SLC1A1: variants seen among roughly 807,000 people sequenced by gnomAD.
SLC1A1 encodes the protein solute carrier family 1 member 1, also known as excitatory amino acid transporter 3.
In SLC1A1, 43 loss-of-function variants were observed where a neutral mutation model predicts 53.3. The observed-to-expected ratio is 0.81, with a 90% CI of 0.63 to 1.04. The LOEUF is 1.04. SLC1A1 is among the 50% of genes least tolerant of loss of function. SLC1A1 has a pLI of 0.00. For synonymous variants in SLC1A1, 307 were observed against 243.2 expected (o/e 1.26, Z -2.44); for missense variants, 748 against 664.9 (o/e 1.12, Z -1.37).
intron 8 of SLC1A1, among the ~76,000 whole-genome samples, chr9:4,575,125 T>A (rs2129800423): frequency 6.6e-6 from 1 of 152,312 alleles, no homozygotes; most frequent in Middle Eastern, 3.4e-3. Context: ...AACAGGAAAC[T>A]AAAAGTCAGT....
chr9:4,498,663 A>G (rs1385783527), intron 1 of SLC1A1, among the ~76,000 whole-genome samples: 1 of 151,826 alleles, frequency 6.6e-6, no homozygotes, highest in African/African-American at 2.4e-5. Context: ...TTAGTCATAT[A>G]TATTTAATTT....
intron 6 of SLC1A1, among the ~76,000 whole-genome samples, 187 bp downstream of exon 6, chr9:4,567,954 G>C (rs1293017856): frequency 1.3e-5 from 2 of 152,130 alleles, no homozygotes; most frequent in Non-Finnish European, 2.9e-5. Context: ...CGCACACAAA[G>C]AGCGGCAAAA....
At chr9:4,581,092 G>A (rs1448928080) in intron 10 of SLC1A1, among the ~76,000 whole-genome samples, 1 of 152,126 alleles carries the variant, frequency 6.6e-6, no homozygotes, top group African/African-American at 2.4e-5. Context: ...CATCTTACAG[G>A]CAAGGAATTG....
intron 1 of SLC1A1, 90 bp downstream of exon 1, chr9:4,490,860 C>A: frequency 2.7e-6 from 3 of 1,112,622 alleles, no homozygotes; most frequent in South Asian, 1.3e-5. Flanking sequence ...TTGGCGCTGG[C>A]GCACTCCATG....
chr9:4,581,207 A>T (rs1384841891), intron 10 of SLC1A1, among the ~76,000 whole-genome samples: 1 of 152,194 alleles, frequency 6.6e-6, no homozygotes, highest in African/African-American at 2.4e-5. Flanking sequence ...GTTCCCTCCA[A>T]GTCACAAGCC....
At chr9:4,572,808 C>A (rs779298578) in intron 7 of SLC1A1, among the ~76,000 whole-genome samples, 1 of 152,178 alleles carries the variant, frequency 6.6e-6, no homozygotes, top group East Asian at 1.9e-4. Context: ...TTCATCCTCC[C>A]AAAATGCTGG....
At position 4,582,485 on chromosome 9, in the gene SLC1A1, T is replaced by C. The variant is rs117232986; in HGVS notation, c.1194-553T>C. Among the ~76,000 whole-genome samples, 1,123 of 152,342 alleles carry C rather than the reference T, an allele frequency of 7.4e-3. 7 individuals are homozygous for C. The highest frequency in any genetic ancestry group is 0.026 in the East Asian group (134 of 5,190). On this transcript the variant is annotated intron_variant, in intron 10 of 11. Coordinates refer to ENST00000262352, the MANE Select transcript of SLC1A1 (RefSeq NM_004170.6). ...GCCTGCTTAACCATTGTCTCATTCC[T>C]TTGCCTTCACCTGAAATGCCCTTGC...
intron 1 of SLC1A1, among the ~76,000 whole-genome samples, chr9:4,536,949 A>T (rs1366086914): frequency 6.6e-6 from 1 of 152,056 alleles, no homozygotes; most frequent in Non-Finnish European, 1.5e-5. Flanking sequence ...AAGGACAAAA[A>T]ACCAAACACT....
intron 1 of SLC1A1, among the ~76,000 whole-genome samples, chr9:4,505,640 TTTGTTG>T (rs372342003): frequency 1.4e-4 from 22 of 152,054 alleles, no homozygotes; most frequent in African/African-American, 1.9e-4. Flanking sequence ...TGTGAAATTC[TTTGTTG>T]TTGTTGTTGT....
chr9:4,492,036 A>G (rs1270814137), intron 1 of SLC1A1, among the ~76,000 whole-genome samples: 2 of 152,226 alleles, frequency 1.3e-5, no homozygotes, highest in Non-Finnish European at 2.9e-5. Context: ...GTTTCTAGTA[A>G]ATAAATAACA....
chr9:4,529,397 A>T (rs1243797041), intron 1 of SLC1A1, among the ~76,000 whole-genome samples: 1 of 152,190 alleles, frequency 6.6e-6, no homozygotes, highest in Non-Finnish European at 1.5e-5. Context: ...CAGTAGTCTT[A>T]CGAATTCATA....
At chr9:4,566,604 T>G (rs1819509022) in intron 5 of SLC1A1, among the ~76,000 whole-genome samples, 1 of 152,118 alleles carries the variant, frequency 6.6e-6, no homozygotes, top group African/African-American at 2.4e-5. Context: ...TCCCAGCACT[T>G]TGGGAGGCCA....
At chr9:4,520,483 C>T (rs1816029819) in intron 1 of SLC1A1, among the ~76,000 whole-genome samples, 1 of 152,148 alleles carries the variant, frequency 6.6e-6, no homozygotes, top group African/African-American at 2.4e-5. Context: ...CTGTTCTGGA[C>T]ATTTCATATA....
intron 1 of SLC1A1, among the ~76,000 whole-genome samples, chr9:4,497,279 C>T (rs145407490): frequency 9.4e-4 from 143 of 152,200 alleles, no homozygotes; most frequent in African/African-American, 2.9e-3. Context: ...TGCCCAAGGT[C>T]GAGGGCAGAG....
chr9:4,573,881 A>G (rs759661354), intron 7 of SLC1A1, 26 bp from the exon 8 acceptor site: 1 of 1,477,550 alleles, frequency 6.8e-7, no homozygotes, highest in Admixed American at 1.7e-5. Flanking sequence ...TGACGGAATC[A>G]CGCCTCTGTT....
chr9:4,571,567 C>T (rs907807567), intron 6 of SLC1A1, among the ~76,000 whole-genome samples: 1 of 152,052 alleles, frequency 6.6e-6, no homozygotes, highest in Non-Finnish European at 1.5e-5. Flanking sequence ...ATCCCAGCTA[C>T]TAGGGAGGCT....
At chr9:4,563,277 G>C (rs957322506) in intron 3 of SLC1A1, among the ~76,000 whole-genome samples, 6 of 152,130 alleles carry the variant, frequency 3.9e-5, no homozygotes, top group Admixed American at 2.6e-4. Context: ...TGAGGCTTTA[G>C]TGGTATTAGG....
rs555833459 is a variant in SLC1A1 at position 4,585,462 on chromosome 9, C to G, written c.1479C>G (p.Asp493Glu). 6.2e-7 allele frequency: 1 copy of G among 1,614,198 alleles called. No individual in the cohort carries two copies. Among genetic ancestry groups the G allele is most frequent in the South Asian group, 1.1e-5 (1 of 91,086 alleles). Residue 493 changes from aspartate to glutamate, a missense_variant, in exon 12 of 12, where the codon GAC becomes GAG. Physicochemically the swap from Asp to Glu is conservative, Grantham distance 45. Coordinates refer to ENST00000262352, the MANE Select transcript of SLC1A1 (RefSeq NM_004170.6). ...TTGCCTTGGAATCCACAATCCTTGACAACGAAGACTCAGACACCAAGAAGT... is the reference window on the plus strand; with the variant it reads ...TTGCCTTGGAATCCACAATCCTTGAGAACGAAGACTCAGACACCAAGAAGT... Reference protein sequence around the residue: ...NPFALESTILDNEDSDTKKSY... With the variant: ...NPFALESTILENEDSDTKKSY...
intron 1 of SLC1A1, among the ~76,000 whole-genome samples, chr9:4,518,814 G>A (rs1218373061): frequency 6.6e-6 from 1 of 152,190 alleles, no homozygotes; most frequent in Non-Finnish European, 1.5e-5. Context: ...GAAAGAAGAA[G>A]AATTTTCTCA....
Sources: gnomAD v4.1 joint callset for allele counts (sites outside exome capture counted in the v4.1 genomes callset) on GRCh38, gnomAD v4.1.1 for gene constraint, MANE v1.5 for transcripts, NCBI Gene and HGNC (gene_info 2026-07-23, HGNC 2026-07-21) for gene names.